Variants in NUDT14 observed in about 807,000 individuals in gnomAD.
NUDT14 encodes the protein uridine diphosphate glucose pyrophosphatase NUDT14.
Under a neutral mutation model 17.5 loss-of-function variants are expected in NUDT14, and 22 were observed. That is an observed-to-expected ratio of 1.26 (90% CI 0.90 to 1.80). The LOEUF is 1.80. NUDT14 is among the 40% of genes most tolerant of loss of function. NUDT14 has a pLI of 0.00. For synonymous variants in NUDT14, 129 were observed against 125.8 expected, an observed-to-expected ratio of 1.03 and a Z score of -0.17; for missense variants, 296 against 295.6, an observed-to-expected ratio of 1.00 and a Z score of -0.01.
chr14:105,178,501 G>A (rs587724269), intron 1 of NUDT14, among the ~76,000 whole-genome samples: 6 of 152,314 alleles, frequency 3.9e-5, no homozygotes, highest in East Asian at 3.9e-4. Context: ...CTCAGTGAAC[G>A]GAGGAGGCAG....
chr14:105,174,059 C>CCA (rs1381029243), intron 4 of NUDT14, among the ~76,000 whole-genome samples: 5 of 152,078 alleles, frequency 3.3e-5, no homozygotes, highest in African/African-American at 1.2e-4. Context: ...GACCGCCCCC[C>CCA]CACCCCCCGT....
Sources: gnomAD v4.1 joint callset for allele counts (sites outside exome capture counted in the v4.1 genomes callset) on GRCh38, gnomAD v4.1.1 for gene constraint, MANE v1.5 for transcripts, NCBI Gene and HGNC (gene_info 2026-07-23, HGNC 2026-07-21) for gene names.